SNX29: variants seen among roughly 807,000 people sequenced by gnomAD.
SNX29 encodes the protein sorting nexin 29.
A neutral mutation model predicts 102.1 loss-of-function variants in SNX29; 78 were observed. That is an observed-to-expected ratio of 0.76 (90% CI 0.64 to 0.92). The LOEUF (loss-of-function observed/expected upper bound fraction) is 0.92. Ranked by LOEUF, SNX29 falls within the 40% of genes least tolerant of loss-of-function variation. The pLI, the probability that SNX29 is intolerant of heterozygous loss-of-function variation, is 0.00. For missense variants in SNX29, 1,280 were observed against 1,061.7 expected (o/e 1.21, Z -2.86); for synonymous variants, 580 against 414.5 (o/e 1.40, Z -4.85).
At chr16:12,273,096 A>C (rs1053853557) in intron 14 of SNX29, among the ~76,000 whole-genome samples, 2 of 151,820 alleles carry the variant, frequency 1.3e-5, no homozygotes, top group Non-Finnish European at 2.9e-5. Context: ...ACTTAATTCA[A>C]CTCCAAGTTC....
At chr16:12,185,329 C>T (rs1343598636) in intron 13 of SNX29, among the ~76,000 whole-genome samples, 3 of 152,192 alleles carry the variant, frequency 2.0e-5, no homozygotes, top group East Asian at 1.9e-4. Context: ...GCCCTGGTTG[C>T]TCTGAGGGTG....
intron 18 of SNX29, among the ~76,000 whole-genome samples, chr16:12,464,496 C>G (rs2086962363): frequency 6.6e-6 from 1 of 152,098 alleles, no homozygotes; most frequent in African/African-American, 2.4e-5. Flanking sequence ...CTCTGACACC[C>G]AGGCTGGAGT....
chr16:12,429,124 C>T (rs1478700524), intron 18 of SNX29, among the ~76,000 whole-genome samples: 1 of 152,168 alleles, frequency 6.6e-6, no homozygotes, highest in Non-Finnish European at 1.5e-5. Context: ...ATAGCTCTTT[C>T]TAGTTAGTCC....
At chr16:12,003,528 C>T (rs926954930) in intron 3 of SNX29, among the ~76,000 whole-genome samples, 1 of 152,100 alleles carries the variant, frequency 6.6e-6, no homozygotes, top group African/African-American at 2.4e-5. Flanking sequence ...TATGTTATAA[C>T]AAGAGCAGGA....
chr16:12,470,896 G>A (rs1403631840), intron 18 of SNX29, among the ~76,000 whole-genome samples: 1 of 152,286 alleles, frequency 6.6e-6, no homozygotes, highest in South Asian at 2.1e-4. Context: ...GGCGAGGCAC[G>A]ACACCTCACA....
chr16:12,115,485 T>TTGTGTGTGTGTG (rs3222983), intron 11 of SNX29, among the ~76,000 whole-genome samples: 1,465 of 141,930 alleles, frequency 0.01, 17 homozygotes, highest in African/African-American at 0.021. Flanking sequence ...CCACCTTGAT[T>TTGTGTGTGTGTG]TGTGTGTGTG....
At chr16:12,279,771 C>T (rs1345925865) in intron 15 of SNX29, among the ~76,000 whole-genome samples, 1 of 152,174 alleles carries the variant, frequency 6.6e-6, no homozygotes, top group Non-Finnish European at 1.5e-5. Context: ...TTTAAGTTCT[C>T]CTGGGATGGG....
chr16:12,271,008 A>C (rs1267184187), intron 14 of SNX29, among the ~76,000 whole-genome samples: 2 of 152,170 alleles, frequency 1.3e-5, no homozygotes, highest in South Asian at 4.1e-4. Context: ...GCGCCACTGC[A>C]CTCCAGCCTG....
At chr16:12,353,983 A>T (rs1372824683) in intron 15 of SNX29, among the ~76,000 whole-genome samples, 1 of 152,234 alleles carries the variant, frequency 6.6e-6, no homozygotes, top group Admixed American at 6.5e-5. Context: ...ATGAGAACCC[A>T]TAAGTGCCCT....
At chr16:12,372,913 T>C (rs1382582208) in intron 16 of SNX29, 1 of 152,190 alleles carries the variant, frequency 6.6e-6, no homozygotes, top group Non-Finnish European at 1.5e-5. Flanking sequence ...CAGACAGGTA[T>C]ACTGGCACTT....
chr16:12,231,910 T>C (rs1480373040), intron 14 of SNX29, among the ~76,000 whole-genome samples: 1 of 152,244 alleles, frequency 6.6e-6, no homozygotes, highest in Non-Finnish European at 1.5e-5. Flanking sequence ...GAATTTCTTT[T>C]TGGTGAATAA....
At chr16:12,284,271 G>A (rs1207175042) in intron 15 of SNX29, among the ~76,000 whole-genome samples, 1 of 152,248 alleles carries the variant, frequency 6.6e-6, no homozygotes, top group African/African-American at 2.4e-5. Flanking sequence ...GTATGTTCCT[G>A]GGCACGCCCC....
chr16:12,456,378 C>T (rs569400317), intron 18 of SNX29, among the ~76,000 whole-genome samples: 12 of 152,124 alleles, frequency 7.9e-5, no homozygotes, highest in Non-Finnish European at 1.5e-4. Flanking sequence ...AAATACAGCA[C>T]GATACTGGAA....
chr16:12,555,711 C>G (rs1203958675), intron 20 of SNX29, among the ~76,000 whole-genome samples: 2 of 152,144 alleles, frequency 1.3e-5, no homozygotes, highest in Non-Finnish European at 2.9e-5. Context: ...GAGATTCTCC[C>G]TGATTGGCCC....
intron 8 of SNX29, among the ~76,000 whole-genome samples, chr16:12,057,159 G>T (rs72638276): frequency 1.3e-5 from 2 of 152,174 alleles, no homozygotes; most frequent in Non-Finnish European, 2.9e-5. Context: ...TATGATACCG[G>T]TAGGGAAGTA....
At chr16:12,562,718 G>C (rs557215374) in intron 20 of SNX29, among the ~76,000 whole-genome samples, 1 of 152,284 alleles carries the variant, frequency 6.6e-6, no homozygotes, top group African/African-American at 2.4e-5. Flanking sequence ...GCCTACCGTG[G>C]TACTGTTTCT....
chr16:12,050,005 T>C (rs1172441685), intron 7 of SNX29, among the ~76,000 whole-genome samples: 7 of 152,228 alleles, frequency 4.6e-5, no homozygotes, highest in Non-Finnish European at 1.0e-4. Flanking sequence ...GAATTATTCA[T>C]GGTGAAAGTG....
At chr16:12,082,824 A>G (rs1385009487) in intron 11 of SNX29, among the ~76,000 whole-genome samples, 1 of 152,064 alleles carries the variant, frequency 6.6e-6, no homozygotes, top group Non-Finnish European at 1.5e-5. Context: ...TCCAGCACAG[A>G]TGAGGGGTCA....
At chr16:12,517,040 T>A (rs7185643) in intron 19 of SNX29, among the ~76,000 whole-genome samples, 6,246 of 152,314 alleles carry the variant, frequency 0.041, 363 homozygotes, top group African/African-American at 0.12. Flanking sequence ...TCGAGTGTTC[T>A]TTTTGAAAGC....
Sources: gnomAD v4.1 joint callset for allele counts (sites outside exome capture counted in the v4.1 genomes callset) on GRCh38, gnomAD v4.1.1 for gene constraint, MANE v1.5 for transcripts, NCBI Gene and HGNC (gene_info 2026-07-23, HGNC 2026-07-21) for gene names.